CDH22: variants seen among roughly 807,000 people sequenced by gnomAD.
CDH22 encodes the protein cadherin 22, also known as cadherin-22.
In CDH22, 30 loss-of-function variants were observed where a neutral mutation model predicts 58.4. That is an observed-to-expected ratio of 0.51 (90% CI 0.38 to 0.70). CDH22 has a LOEUF of 0.70. Ranked by LOEUF, CDH22 falls within the 30% of genes least tolerant of loss-of-function variation. The pLI is 0.00. For missense variants in CDH22, 1,014 were observed against 1,233.9 expected (o/e 0.82, Z 2.67); for synonymous variants, 513 against 558.2 (o/e 0.92, Z 1.14).
chr20:46,286,052 T>C (rs889345936), intron 1 of CDH22, among the ~76,000 whole-genome samples: 1 of 152,200 alleles, frequency 6.6e-6, no homozygotes, highest in Non-Finnish European at 1.5e-5. Context: ...ATTGAATGCT[T>C]CTCCTTCCTG....
intron 1 of CDH22, among the ~76,000 whole-genome samples, chr20:46,265,690 T>A (rs1214629394): frequency 6.6e-6 from 1 of 152,252 alleles, no homozygotes. Flanking sequence ...TTTGTGAGAT[T>A]CGTCTTTGTT....
chr20:46,217,728 CACAT>C (rs879754076), intron 4 of CDH22, among the ~76,000 whole-genome samples: 2 of 152,052 alleles, frequency 1.3e-5, no homozygotes, highest in Non-Finnish European at 2.9e-5. Flanking sequence ...AACTCATACT[CACAT>C]ACACACAAAC....
intron 7 of CDH22, among the ~76,000 whole-genome samples, chr20:46,200,278 T>TTTTC (rs754120900): frequency 1.3e-5 from 2 of 151,068 alleles, no homozygotes; most frequent in South Asian, 2.1e-4. Flanking sequence ...CCCGGCCCTC[T>TTTTC]TTTCTTTCTT....
At chr20:46,268,276 C>T (rs1174680167) in intron 1 of CDH22, among the ~76,000 whole-genome samples, 1 of 152,238 alleles carries the variant, frequency 6.6e-6, no homozygotes, top group East Asian at 1.9e-4. Context: ...TGGGCCTGGC[C>T]CCGCTCCGAG....
rs573087308 is a variant in CDH22 at position 46,251,440 on chromosome 20, G to C, written c.-146C>G. On this transcript the variant is annotated 5_prime_UTR_variant, in exon 2 of 12. Coordinates refer to ENST00000537909, the MANE Select transcript of CDH22 (RefSeq NM_021248.3). The surrounding 1 kb of genome is among the most constrained non-coding windows in gnomAD (Gnocchi z 6.7). Reference sequence around the variant, plus strand: ...GTCGCCCCCGACGGGGCACCCGGACGGGCCCGCGGCCCTGAACGCCGCCCA... The same window carrying C: ...GTCGCCCCCGACGGGGCACCCGGACCGGCCCGCGGCCCTGAACGCCGCCCA... The C allele has an allele frequency of 6.5e-4, 637 of 980,260 alleles. 2 individuals carry two copies. Among genetic ancestry groups the C allele is most frequent in the Middle Eastern group, 2.5e-3 (7 of 2,844 alleles). The allele number at this position is 980,260 out of a possible 1,614,324, so 60.7% of individuals were successfully genotyped here. A position where few individuals can be genotyped will look rare whatever the true frequency, so the allele number is the denominator to read the frequency against.
At chr20:46,217,773 T>A (rs2086096159) in intron 4 of CDH22, among the ~76,000 whole-genome samples, 1 of 151,442 alleles carries the variant, frequency 6.6e-6, no homozygotes, top group Non-Finnish European at 1.5e-5. Context: ...AAATACACAC[T>A]CAATGATCCA....
chr20:46,233,511 T>A (rs148431591), intron 3 of CDH22, among the ~76,000 whole-genome samples: 177 of 152,354 alleles, frequency 1.2e-3, no homozygotes, highest in Non-Finnish European at 2.0e-3. Context: ...ACATTTTTGC[T>A]TATGATTCAA....
chr20:46,174,581 G>A lies in CDH22; in HGVS notation c.2412C>T (p.Ser804=). 1 of 1,532,402 alleles carries A rather than the reference G, an allele frequency of 6.5e-7. No homozygotes were observed. Among genetic ancestry groups the A allele is most frequent in the Non-Finnish European group, 8.7e-7 (1 of 1,144,560 alleles). 94.9% of individuals were successfully genotyped at this position (1,532,402 alleles called of 1,614,324 possible). The part of the protein sequence containing the change: ...GSEQDFAYLS[S]WGPRFRPLAA... ...CCAGGGGCCGGAAGCGCGGACCCCA[G>A]CTGCTGAGATAGGCGAAGTCCTGCT... The change falls in exon 12 of 12, where the codon AGC becomes AGT. Residue 804 remains serine (S), a synonymous_variant. Coordinates refer to ENST00000537909, the MANE Select transcript of CDH22 (RefSeq NM_021248.3). The surrounding 1 kb of genome is among the most constrained non-coding windows in gnomAD (Gnocchi z 4.4).
rs2145792124 is a variant in CDH22, at chr20:46,308,001, C to A, written c.-400+254G>T. On this transcript the variant is annotated intron_variant, in intron 1 of 11. Coordinates refer to ENST00000537909, the MANE Select transcript of CDH22 (RefSeq NM_021248.3). This position sits in a 1 kb window ranked among gnomAD's most constrained non-coding sequence, Gnocchi z 4.3. ...TGTGGGGACGGGTGGGAGCTGCGGGCTTCGGGCCGAGAGGCGGCTCGGCTC... is the reference window on the plus strand; with the variant it reads ...TGTGGGGACGGGTGGGAGCTGCGGGATTCGGGCCGAGAGGCGGCTCGGCTC... Among the ~76,000 whole-genome samples, 1 of 151,828 alleles carries A rather than the reference C, an allele frequency of 6.6e-6. No individual in the cohort carries two copies. Among genetic ancestry groups the A allele is most frequent in the African/African-American group, 2.4e-5 (1 of 41,474 alleles).
In CDH22 at chr20:46,175,087, G is replaced by A; in HGVS notation, c.1916-10C>T. On this transcript the variant is annotated splice_polypyrimidine_tract_variant and intron_variant, in intron 11 of 11. Transcript: ENST00000537909. The stretch of plus-strand genomic sequence containing the variant: ...ATCAGCAGCACCAGCACTGCGAGGG[G>A]GACAGAGGGGGCAACTGAGGGCCAA... 6.3e-7 allele frequency: 1 copy of A among 1,575,618 alleles called. No individual in the cohort carries two copies. Among genetic ancestry groups the A allele is most frequent in the Non-Finnish European group, 8.6e-7 (1 of 1,164,804 alleles).
chr20:46,296,789 C>T (rs577242830), intron 1 of CDH22, among the ~76,000 whole-genome samples: 3 of 152,330 alleles, frequency 2.0e-5, no homozygotes, highest in South Asian at 2.1e-4. Context: ...GCCTCCCTCT[C>T]GCACAGCAGA....
rs76643176 is a variant in CDH22, at chr20:46,246,267, A to T, written c.255+4773T>A. Among the ~76,000 whole-genome samples, 1,179 of 152,318 alleles carry T rather than the reference A, an allele frequency of 7.7e-3. 18 individuals carry two copies. The highest frequency in any genetic ancestry group is 0.024 in the African/African-American group (995 of 41,562). On this transcript the variant is annotated intron_variant, in intron 2 of 11. Coordinates refer to ENST00000537909, the MANE Select transcript of CDH22 (RefSeq NM_021248.3). ...CCCCGGGATGAGGGGTCTGTTCACGACTGTGCTACTCGTAAACCAGGAGTT... is the reference window on the plus strand; with the variant it reads ...CCCCGGGATGAGGGGTCTGTTCACGTCTGTGCTACTCGTAAACCAGGAGTT...
intron 3 of CDH22, among the ~76,000 whole-genome samples, chr20:46,237,711 G>T (rs916582071): frequency 2.5e-4 from 38 of 152,150 alleles, no homozygotes; most frequent in African/African-American, 8.4e-4. Context: ...TCAAGACAGA[G>T]CTGGGTCTCC....
intron 1 of CDH22, among the ~76,000 whole-genome samples, chr20:46,301,695 C>A (rs986934709): frequency 3.3e-5 from 5 of 151,888 alleles, no homozygotes; most frequent in Admixed American, 6.6e-5. Context: ...CCTGTAATCC[C>A]AGCTACTCGG....
chr20:46,251,893 C>A lies in CDH22; in HGVS notation c.-399-200G>T, dbSNP rs879481681. Among the ~76,000 whole-genome samples, 20 of 152,058 alleles carry A rather than the reference C, an allele frequency of 1.3e-4. No individual in the cohort carries two copies. Among genetic ancestry groups the A allele is most frequent in the Non-Finnish European group, 2.6e-4 (18 of 68,004 alleles). On this transcript the variant is annotated intron_variant, in intron 1 of 11. Coordinates refer to ENST00000537909, the MANE Select transcript of CDH22 (RefSeq NM_021248.3). This position sits in a 1 kb window ranked among gnomAD's most constrained non-coding sequence, Gnocchi z 6.7. ...CTAGTAGGCGCCCTCTCCCGCACATCGCAGCCTCTCCTTTCACCTGGCATC... is the reference window on the plus strand; with the variant it reads ...CTAGTAGGCGCCCTCTCCCGCACATAGCAGCCTCTCCTTTCACCTGGCATC...
intron 1 of CDH22, among the ~76,000 whole-genome samples, chr20:46,287,500 G>A (rs928986485): frequency 2.0e-5 from 3 of 152,008 alleles, no homozygotes; most frequent in African/African-American, 7.3e-5. Context: ...GAGGGCGAGG[G>A]CAGCCAGGTG....
chr20:46,180,482 G>A (rs2145646724), intron 10 of CDH22, among the ~76,000 whole-genome samples: 1 of 152,348 alleles, frequency 6.6e-6, no homozygotes, highest in East Asian at 1.9e-4. Context: ...TTCTGCAGGG[G>A]AAGAAAGGGG....
At chr20:46,293,750 C>T (rs573752311) in intron 1 of CDH22, among the ~76,000 whole-genome samples, 188 of 152,318 alleles carry the variant, frequency 1.2e-3, no homozygotes, top group African/African-American at 4.5e-3. Context: ...GGTGCGGTGG[C>T]TCATGCCTGT....
intron 1 of CDH22, among the ~76,000 whole-genome samples, chr20:46,283,242 G>A (rs1035394156): frequency 1.3e-5 from 2 of 152,172 alleles, no homozygotes; most frequent in Non-Finnish European, 2.9e-5. Flanking sequence ...GCCTCCAAGT[G>A]CACTGGGAAT....
Sources: gnomAD v4.1 joint callset for allele counts (sites outside exome capture counted in the v4.1 genomes callset) on GRCh38, gnomAD v4.1.1 for gene constraint, Gnocchi (gnomAD v3.1) non-coding constraint, MANE v1.5 for transcripts, NCBI Gene and HGNC (gene_info 2026-07-23, HGNC 2026-07-21) for gene names.